The following FYB1 variants were observed in gnomAD, a reference collection of about 807,000 sequenced individuals.
The protein encoded by FYB1 is FYN binding protein 1, also known as FYN-binding protein 1.
In FYB1, 41 loss-of-function variants were observed where a neutral mutation model predicts 94.1. The observed-to-expected ratio is 0.44, with a 90% CI of 0.34 to 0.57. The LOEUF (loss-of-function observed/expected upper bound fraction) is 0.57. FYB1 is among the 20% of genes least tolerant of loss of function. The pLI is 0.02. For missense variants in FYB1, 1,050 were observed against 976.8 expected (o/e 1.07, Z -1.00); for synonymous variants, 367 against 353.2 (o/e 1.04, Z -0.44).
chr5:39,269,223 G>T (rs1351630746), intron 1 of FYB1, among the ~76,000 whole-genome samples: 1 of 151,918 alleles, frequency 6.6e-6, no homozygotes, highest in African/African-American at 2.4e-5. Context: ...CTAATTTTTT[G>T]GATTTTTAGT....
rs546128078 is a variant in FYB1, at chr5:39,118,987, A to G, written c.2288T>C (p.Ile763Thr). The G allele has an allele frequency of 6.5e-6, 10 of 1,548,668 alleles. No homozygotes were observed. The highest frequency in any genetic ancestry group is 5.3e-5 in the Admixed American group (3 of 56,292). ...VLYSTKVTTS[I>T]TSKKWGTRDL... ...TCTGGTTCCCCACTTTTTAGAAGTTATGGAAGTTGTAACTTTAGTTGAATA... is the reference window on the plus strand; with the variant it reads ...TCTGGTTCCCCACTTTTTAGAAGTTGTGGAAGTTGTAACTTTAGTTGAATA... The change falls in exon 16 of 19, where the codon ATA (isoleucine) becomes ACA (threonine). Residue 763 changes from isoleucine to threonine, a missense_variant. Transcript: ENST00000512982.
intron 2 of FYB1, among the ~76,000 whole-genome samples, chr5:39,186,588 T>C (rs1746825432): frequency 6.6e-6 from 1 of 151,228 alleles, no homozygotes; most frequent in Non-Finnish European, 1.5e-5. Flanking sequence ...AATCTTTATG[T>C]TATGTTTAAG....
chr5:39,237,286 T>A (rs941173316), intron 1 of FYB1, among the ~76,000 whole-genome samples: 23 of 152,004 alleles, frequency 1.5e-4, no homozygotes, highest in African/African-American at 4.8e-4. Flanking sequence ...AATCTAAGTA[T>A]GAGATGACCG....
chr5:39,197,876 C>T (rs565146226), intron 2 of FYB1, among the ~76,000 whole-genome samples: 50 of 152,198 alleles, frequency 3.3e-4, no homozygotes, highest in Non-Finnish European at 6.8e-4. Flanking sequence ...GGTGGGAAAC[C>T]TCTCTTCCAA....
intron 2 of FYB1, among the ~76,000 whole-genome samples, chr5:39,187,783 T>A (rs538805280): frequency 1.1e-4 from 16 of 152,312 alleles, no homozygotes; most frequent in Non-Finnish European, 1.8e-4. Flanking sequence ...CAAAGTCTAT[T>A]TGTTGTAGTG....
chr5:39,184,179 C>A (rs376055920), intron 2 of FYB1, among the ~76,000 whole-genome samples: 1 of 151,904 alleles, frequency 6.6e-6, no homozygotes, highest in African/African-American at 2.4e-5. Context: ...ATATTATTCC[C>A]AAAAACTATC....
intron 12 of FYB1, among the ~76,000 whole-genome samples, chr5:39,125,491 GTCTT>G (rs1740570703): frequency 6.6e-6 from 1 of 152,062 alleles, no homozygotes; most frequent in Non-Finnish European, 1.5e-5. Flanking sequence ...ATAGTTAAAA[GTCTT>G]TAATTATTGT....
chr5:39,137,572 T>C (rs776632445), intron 7 of FYB1, 28 bp downstream of exon 7: 45 of 1,530,064 alleles, frequency 2.9e-5, no homozygotes, highest in Non-Finnish European at 3.8e-5. Flanking sequence ...GATGTTATTC[T>C]TTCACTCATT....
chr5:39,113,424 A>G (rs961026948), intron 16 of FYB1, among the ~76,000 whole-genome samples: 1 of 152,152 alleles, frequency 6.6e-6, no homozygotes, highest in Admixed American at 6.6e-5. Context: ...ATAGAGCAGA[A>G]CACAACGGCT....
chr5:39,215,005 G>A (rs1749732503), intron 1 of FYB1, among the ~76,000 whole-genome samples: 1 of 152,150 alleles, frequency 6.6e-6, no homozygotes, highest in African/African-American at 2.4e-5. Flanking sequence ...AAAGTAGAAT[G>A]GTGGTTGCCA....
intron 1 of FYB1, among the ~76,000 whole-genome samples, chr5:39,204,771 T>G (rs892391287): frequency 2.0e-5 from 3 of 152,166 alleles, no homozygotes; most frequent in South Asian, 2.1e-4. Context: ...CATACCAAAC[T>G]GTAGCAGGGT....
At chr5:39,117,680 T>A (rs1739699707) in intron 16 of FYB1, among the ~76,000 whole-genome samples, 1 of 152,186 alleles carries the variant, frequency 6.6e-6, no homozygotes. Flanking sequence ...TTTCAATTCC[T>A]GTCCCTGAGT....
At chr5:39,122,548 T>C (rs1740228066) in intron 13 of FYB1, 146 bp from the exon 14 acceptor site, 4 of 569,812 alleles carry the variant, frequency 7.0e-6, no homozygotes, top group Admixed American at 3.4e-5. Flanking sequence ...CCTGGAAGCA[T>C]TGTCTGCTTC....
At chr5:39,231,163 A>AAAAAAAAAAAAAAAAAAC (rs1561294075) in intron 1 of FYB1, among the ~76,000 whole-genome samples, 35 of 118,892 alleles carry the variant, frequency 2.9e-4, no homozygotes, top group Admixed American at 5.5e-4. Flanking sequence ...AAAAAAAAAC[A>AAAAAAAAAAAAAAAAAAC]AAAAAAAACA....
chr5:39,222,909 T>A (rs748676092), upstream of FYB1, among the ~76,000 whole-genome samples: 4 of 152,172 alleles, frequency 2.6e-5, no homozygotes, highest in Non-Finnish European at 4.4e-5. Context: ...TTATGTGTCT[T>A]ATAATCAATA....
chr5:39,113,305 CTG>C (rs1160763288), intron 16 of FYB1, among the ~76,000 whole-genome samples: 2 of 152,084 alleles, frequency 1.3e-5, no homozygotes, highest in Non-Finnish European at 2.9e-5. Context: ...TCATCATGGT[CTG>C]TATCATGTAG....
rs904762275 is a variant in FYB1, at chr5:39,122,393, T to C, written c.2081A>G (p.Asp694Gly). Residue 694 changes from aspartate (D) to glycine (G), a missense_variant, in exon 14 of 19, where the codon GAT becomes GGT. Asp to Gly is a moderately conservative substitution (Grantham distance 94). Coordinates refer to ENST00000512982, the MANE Select transcript of FYB1 (RefSeq NM_001465.6). ...PAPPKQLDMG[D>G]EVYDDVDTSD... Reference sequence around the variant, plus strand: ...GGTATCCACATCATCGTAAACTTCATCTCCCATGTCTAACAAAAGACAGAA... The same window carrying C: ...GGTATCCACATCATCGTAAACTTCACCTCCCATGTCTAACAAAAGACAGAA... 6.4e-7 allele frequency: 1 copy of C among 1,570,942 alleles called. No individual in the cohort carries two copies. The highest frequency in any genetic ancestry group is 1.3e-5 in the African/African-American group (1 of 74,388).
At chr5:39,165,420 GA>G (rs144105131) in intron 2 of FYB1, among the ~76,000 whole-genome samples, 5,561 of 152,200 alleles carry the variant, frequency 0.037, 349 homozygotes, top group African/African-American at 0.13. Flanking sequence ...ATGGTGCTGG[GA>G]AAATTTGACT....
intron 16 of FYB1, among the ~76,000 whole-genome samples, chr5:39,113,950 G>A (rs1282019299): frequency 6.6e-6 from 1 of 151,608 alleles, no homozygotes; most frequent in Non-Finnish European, 1.5e-5. Context: ...TGTTTATATT[G>A]TTATTTCTGG....
Sources: gnomAD v4.1 joint callset for allele counts (sites outside exome capture counted in the v4.1 genomes callset) on GRCh38, gnomAD v4.1.1 for gene constraint, MANE v1.5 for transcripts, NCBI Gene and HGNC (gene_info 2026-07-23, HGNC 2026-07-21) for gene names.